BTNL9: variants seen among roughly 807,000 people sequenced by gnomAD.
BTNL9 encodes the protein butyrophilin-like protein 9.
A neutral mutation model predicts 45.8 loss-of-function variants in BTNL9; 45 were observed. That is an observed-to-expected ratio of 0.98 (90% CI 0.77 to 1.26). The LOEUF is 1.26. BTNL9 is among the 50% of genes most tolerant of loss of function. BTNL9 has a pLI of 0.00. For synonymous variants in BTNL9, 346 were observed against 330.8 expected, an observed-to-expected ratio of 1.05 and a Z score of -0.50; for missense variants, 784 against 729.7, an observed-to-expected ratio of 1.07 and a Z score of -0.86.
At position 181,059,765 on chromosome 5, in the gene BTNL9, C is replaced by A. The variant is rs141905608; in HGVS notation, c.1511C>A (p.Pro504Gln). ...GEHPDPLTIC[P>Q]LPVRGTGVPE... ...CATCCGGATCCCCTGACCATCTGCCCGCTGCCGGTTAGAGGGACGGGCGTC... is the reference window on the plus strand; with the variant it reads ...CATCCGGATCCCCTGACCATCTGCCAGCTGCCGGTTAGAGGGACGGGCGTC... Residue 504 changes from proline to glutamine, a missense_variant, in exon 11 of 11, where the codon CCG (proline) becomes CAG (glutamine). Transcript: ENST00000327705. 1 of 1,611,484 alleles carries A rather than the reference C, an allele frequency of 6.2e-7. No individual in the cohort carries two copies. Among genetic ancestry groups the A allele is most frequent in the South Asian group, 1.1e-5 (1 of 91,006 alleles).
rs367980981 is a variant in BTNL9, at chr5:181,048,285, C to T, written c.454+14C>T. 17 of 1,584,548 alleles carry T rather than the reference C, an allele frequency of 1.1e-5. No homozygotes were observed. The highest frequency in any genetic ancestry group is 1.3e-5 in the African/African-American group (1 of 74,330). On this transcript the variant is annotated intron_variant, in intron 3 of 10. Coordinates refer to ENST00000327705, the MANE Select transcript of BTNL9 (RefSeq NM_152547.5). Reference sequence around the variant, plus strand: ...TGGAGGTAGCAGGTGCGTGGACTGACCTAAGGCCCTGCAGAGGAGAGGGAG... The same window carrying T: ...TGGAGGTAGCAGGTGCGTGGACTGATCTAAGGCCCTGCAGAGGAGAGGGAG...
intron 4 of BTNL9, chr5:181,052,931 G>C (rs1173844925): frequency 3.3e-5 from 5 of 151,686 alleles, no homozygotes; most frequent in African/African-American, 1.2e-4. Flanking sequence ...GCGGGGCGAG[G>C]GCGGCGCTGC....
chr5:181,048,609 G>A (rs767227965), intron 3 of BTNL9, among the ~76,000 whole-genome samples: 8 of 151,104 alleles, frequency 5.3e-5, no homozygotes, highest in East Asian at 1.9e-4. Flanking sequence ...GTGGTGGTGC[G>A]TGCCTGTAGT....
chr5:181,055,387 C>T lies in BTNL9; in HGVS notation c.908-46C>T. ...AGTGGCCTGTCTTGGGAAGATGGTT[C>T]CACCCACCTGCAGGCTGAAGTTTTC... On this transcript the variant is annotated intron_variant, in intron 7 of 10. Coordinates refer to ENST00000327705, the MANE Select transcript of BTNL9 (RefSeq NM_152547.5). This position sits in a 1 kb window ranked among gnomAD's most constrained non-coding sequence, Gnocchi z 4.4. The T allele has an allele frequency of 1.2e-6, 2 of 1,613,970 alleles. No homozygotes were observed. The highest frequency in any genetic ancestry group is 1.7e-6 in the Non-Finnish European group (2 of 1,179,988).
chr5:181,056,645 T>C (rs1298656167), intron 9 of BTNL9: 9 of 716,890 alleles, frequency 1.3e-5, no homozygotes, highest in Non-Finnish European at 2.1e-5. Context: ...TACGGCGCTG[T>C]GTGGAGATTT....
rs564768550 is a variant in BTNL9 at position 181,043,059 on chromosome 5, G to A, written c.-23-2408G>A. Among the ~76,000 whole-genome samples the A allele has an allele frequency of 5.3e-5, 8 of 152,150 alleles. No individual in the cohort carries two copies. The East Asian group carries it at 5.8e-4, about 11-fold the overall frequency. On this transcript the variant is annotated intron_variant, in intron 1 of 10. Transcript: ENST00000327705. ...CAAGTCACTCAGCTCCTGGGCCTCC[G>A]TTTCCTTATCTATAATTTGGACCTA...
rs997599254 is a variant in BTNL9, at chr5:181,042,847, GTGTT to G, written c.-24+2418_-24+2421del. On this transcript the variant is annotated intron_variant, in intron 1 of 10. Transcript: ENST00000327705. This position sits in a 1 kb window ranked among gnomAD's most constrained non-coding sequence, Gnocchi z 4.5. ...TCTGTGTGATGGCAGGTTAGGGTGA[GTGTT>G]TGGTCTGTGGCCAGCTGGTTCCTGA... Among the ~76,000 whole-genome samples, 87 of 152,320 alleles carry G rather than the reference GTGTT, an allele frequency of 5.7e-4. No individual in the cohort carries two copies. Among genetic ancestry groups the G allele is most frequent in the African/African-American group, 2.0e-3 (83 of 41,580 alleles).
chr5:181,051,259 T>C (rs901603828), intron 4 of BTNL9, among the ~76,000 whole-genome samples: 1 of 152,106 alleles, frequency 6.6e-6, no homozygotes, highest in Non-Finnish European at 1.5e-5. Flanking sequence ...AGGCAGCCAC[T>C]GAAGGGTTTC....
At chr5:181,045,414 C>A in intron 1 of BTNL9, 53 bp from the exon 2 acceptor site, 1 of 950,434 alleles carries the variant, frequency 1.1e-6, no homozygotes, top group Non-Finnish European at 1.7e-6. Flanking sequence ...GGAGTGAGTT[C>A]CAGCTCCCCC....
At chr5:181,058,294 T>C (rs1242424559) in intron 9 of BTNL9, 58 bp from the exon 10 acceptor site, 10 of 1,598,060 alleles carry the variant, frequency 6.3e-6, no homozygotes, top group Non-Finnish European at 8.6e-6. Flanking sequence ...TTCGTTAAGG[T>C]TCCAGAGTTA....
In BTNL9 at chr5:181,059,619, C is replaced by A; in HGVS notation, c.1365C>A (p.Tyr455Ter). The A allele has an allele frequency of 2.5e-6, 4 of 1,613,548 alleles. No homozygotes were observed. The highest frequency in any genetic ancestry group is 2.5e-6 in the Non-Finnish European group (3 of 1,179,946). Reference protein sequence around the residue: ...PPRRLGVFLDYEAGELSFFNV... With the variant: ...PPRRLGVFLD ...GGCGCCTGGGCGTCTTCCTGGACTA[C>A]GAGGCCGGAGAGCTGTCCTTCTTCA... The change falls in exon 11 of 11, where the codon TAC becomes TAA. Residue 455 changes from tyrosine (Y) to a stop codon, truncating the protein, a stop_gained. Transcript: ENST00000327705. LOFTEE classifies it low-confidence loss of function (END_TRUNC).
intron 1 of BTNL9, among the ~76,000 whole-genome samples, chr5:181,044,676 C>A (rs570116451): frequency 4.6e-5 from 7 of 152,182 alleles, no homozygotes; most frequent in Non-Finnish European, 1.0e-4. Context: ...TCATTGGCAG[C>A]AGCACACTCT....
Position 181,042,650 on chromosome 5 carries a change from G to T in BTNL9, c.-24+2218G>T, listed in dbSNP as rs1368199821. On this transcript the variant is annotated intron_variant, in intron 1 of 10. Transcript: ENST00000327705. This position sits in a 1 kb window ranked among gnomAD's most constrained non-coding sequence, Gnocchi z 4.5. ...TACCCTTGAGTGTTGGGAGCAAAGG[G>T]ACCAGGTACCTGTTCCTCCTGGCTC... is the stretch of plus-strand genomic sequence containing the variant. Among the ~76,000 whole-genome samples, 2 of 152,152 alleles carry T rather than the reference G, an allele frequency of 1.3e-5. No individual in the cohort carries two copies. The highest frequency in any genetic ancestry group is 1.5e-5 in the Non-Finnish European group (1 of 68,024).
intron 1 of BTNL9, among the ~76,000 whole-genome samples, chr5:181,041,379 A>T (rs1297242921): frequency 6.6e-6 from 1 of 152,256 alleles, no homozygotes; most frequent in African/African-American, 2.4e-5. Context: ...AAATTCACCA[A>T]TAGAGTAAGT....
Position 181,053,784 on chromosome 5 carries a change from A to G in BTNL9, c.886+283A>G. Reference sequence around the variant, plus strand: ...CTCGGAGCTTCACATCACACTGTACAGAGGGAGCGGTGACCAGGGTCTCTG... The same window carrying G: ...CTCGGAGCTTCACATCACACTGTACGGAGGGAGCGGTGACCAGGGTCTCTG... On this transcript the variant is annotated intron_variant, in intron 6 of 10. Transcript: ENST00000327705. The surrounding 1 kb of genome is among the most constrained non-coding windows in gnomAD (Gnocchi z 6.5). 6.6e-7 allele frequency: 1 copy of G among 1,523,528 alleles called. No homozygotes were observed. Among genetic ancestry groups the G allele is most frequent in the Non-Finnish European group, 8.8e-7 (1 of 1,138,618 alleles). 94.4% of individuals were successfully genotyped at this position (1,523,528 alleles called of 1,614,324 possible). A position where few individuals can be genotyped will look rare whatever the true frequency, so the allele number is the denominator to read the frequency against.
chr5:181,060,022 G>A lies in BTNL9; in HGVS notation c.*160G>A. On this transcript the variant is annotated 3_prime_UTR_variant, in exon 11 of 11. Transcript: ENST00000327705. Reference sequence around the variant, plus strand: ...TTGCCTACGTAGATGTGTATGTGTAGTGCGATTTTCTTCAAGGAAAGGAGA... The same window carrying A: ...TTGCCTACGTAGATGTGTATGTGTAATGCGATTTTCTTCAAGGAAAGGAGA... 1 of 668,068 alleles carries A rather than the reference G, an allele frequency of 1.5e-6. No individual in the cohort carries two copies. Among genetic ancestry groups the A allele is most frequent in the East Asian group, 2.8e-5 (1 of 36,148 alleles). 41.4% of individuals were successfully genotyped at this position (668,068 alleles called of 1,614,324 possible). A position where few individuals can be genotyped will look rare whatever the true frequency, so the allele number is the denominator to read the frequency against.
chr5:181,044,243 G>A (rs892257759), intron 1 of BTNL9, among the ~76,000 whole-genome samples: 1 of 152,168 alleles, frequency 6.6e-6, no homozygotes, highest in Non-Finnish European at 1.5e-5. Flanking sequence ...AGCTTTGAAA[G>A]TCCTTCCTTC....
intron 1 of BTNL9, among the ~76,000 whole-genome samples, chr5:181,045,131 A>AG (rs1292609883): frequency 6.6e-6 from 1 of 152,132 alleles, no homozygotes; most frequent in Admixed American, 6.5e-5. Context: ...AGCCCAGAAA[A>AG]GGGGGGGCGC....
At chr5:181,054,147 C>A in intron 6 of BTNL9, 92 bp from the exon 7 acceptor site, 1 of 1,586,142 alleles carries the variant, frequency 6.3e-7, no homozygotes, top group Non-Finnish European at 8.6e-7. Flanking sequence ...GGAGGTGAGG[C>A]CTCAGTGTTC....
Sources: gnomAD v4.1 joint callset for allele counts (sites outside exome capture counted in the v4.1 genomes callset) on GRCh38, gnomAD v4.1.1 for gene constraint, Gnocchi (gnomAD v3.1) non-coding constraint, MANE v1.5 for transcripts, NCBI Gene and HGNC (gene_info 2026-07-23, HGNC 2026-07-21) for gene names.